The following LRBA variants were observed in gnomAD, a reference collection of about 807,000 sequenced individuals.
The protein encoded by LRBA is lipopolysaccharide-responsive and beige-like anchor protein.
Under a neutral mutation model 330.0 loss-of-function variants are expected in LRBA, and 176 were observed. That is an observed-to-expected ratio of 0.53 (90% CI 0.47 to 0.60). The LOEUF is 0.60. Ranked by LOEUF, LRBA falls within the 20% of genes least tolerant of loss-of-function variation. LRBA has a pLI of 0.00. For missense variants in LRBA, 3,259 were observed against 3,444.8 expected, an observed-to-expected ratio of 0.95 and a Z score of 1.35; for synonymous variants, 1,230 against 1,193.0, an observed-to-expected ratio of 1.03 and a Z score of -0.64.
intron 17 of LRBA, among the ~76,000 whole-genome samples, chr4:150,874,563 C>T (rs1753792679): frequency 6.6e-6 from 1 of 152,172 alleles, no homozygotes; most frequent in Non-Finnish European, 1.5e-5. Context: ...TCCTGGACAA[C>T]AAGACTTGGC....
At chr4:150,901,525 T>A (rs574372556) in intron 13 of LRBA, among the ~76,000 whole-genome samples, 1 of 152,206 alleles carries the variant, frequency 6.6e-6, no homozygotes, top group South Asian at 2.1e-4. Context: ...TGAACCTTTA[T>A]GTTACCTTCC....
Position 150,668,916 on chromosome 4 carries a change from A to G in LRBA, c.5921+14635T>C, listed in dbSNP as rs117773583. 4.4e-4 allele frequency among the ~76,000 whole-genome samples: 67 copies of G among 152,250 alleles called. 1 individual carries two copies. In the East Asian group the frequency reaches 0.012, roughly 26 times the overall value. ...GCTGTGTATTAGAGGGGAAGTGTCA[A>G]AGGGAGGGATAAGGAGAGATAAGGC... On this transcript the variant is annotated intron_variant, in intron 37 of 56. Transcript: ENST00000651943.
chr4:150,654,484 C>T (rs1779988892), intron 37 of LRBA, among the ~76,000 whole-genome samples: 1 of 152,142 alleles, frequency 6.6e-6, no homozygotes, highest in Non-Finnish European at 1.5e-5. Context: ...GCACTGTGCC[C>T]AGTCAAGAAG....
At position 150,583,578 on chromosome 4, in the gene LRBA, C is replaced by G; in HGVS notation, c.6330+4470G>C. ...AGTGCACCGGGATCTGGCCTCGCAG[C>G]GCGGCACAGTGGCCTATGCCCCACA... is the stretch of plus-strand genomic sequence containing the variant. On this transcript the variant is annotated intron_variant, in intron 40 of 56. Coordinates refer to ENST00000651943, the MANE Select transcript of LRBA (RefSeq NM_001364905.1). The surrounding 1 kb of genome is among the most constrained non-coding windows in gnomAD (Gnocchi z 9.8). The G allele has an allele frequency of 1.2e-6, 2 of 1,613,812 alleles. No individual in the cohort carries two copies. Among genetic ancestry groups the G allele is most frequent in the Non-Finnish European group, 1.7e-6 (2 of 1,179,900 alleles).
At chr4:150,488,436 T>A (rs1758154051) in intron 41 of LRBA, among the ~76,000 whole-genome samples, 1 of 151,618 alleles carries the variant, frequency 6.6e-6, no homozygotes, top group African/African-American at 2.4e-5. Context: ...GAAGGAACAT[T>A]TTTCCTCTGC....
Position 150,831,950 on chromosome 4 carries a change from T to C in LRBA, c.4596A>G (p.Leu1532=). The C allele has an allele frequency of 1.3e-6, 2 of 1,535,016 alleles. No homozygotes were observed. The highest frequency in any genetic ancestry group is 1.9e-5 in the Admixed American group (1 of 51,712). ...AGATAAAGTATACTACTGCCAAGGC[T>C]AAAAATTGAGCTTGTTTGCTATCCT... ...DIEDSKQAQF[L]ALAVVYFISV... The change falls in exon 29 of 57, where the codon TTA becomes TTG. Residue 1532 remains leucine, a synonymous_variant. Coordinates refer to ENST00000651943, the MANE Select transcript of LRBA (RefSeq NM_001364905.1).
intron 5 of LRBA, among the ~76,000 whole-genome samples, chr4:150,917,635 A>T (rs1187037697): frequency 1.3e-5 from 2 of 152,194 alleles, no homozygotes; most frequent in Non-Finnish European, 2.9e-5. Context: ...ACAATCTTTT[A>T]AAAAGAACAG....
Position 150,490,929 on chromosome 4 carries a change from A to G in LRBA, c.6437T>C (p.Met2146Thr), listed in dbSNP as rs1298470647. Residue 2146 changes from methionine to threonine, a missense_variant, in exon 41 of 57, where the codon ATG (methionine) becomes ACG (threonine). By Grantham distance (81) the Met-to-Thr change is moderately conservative. Transcript: ENST00000651943. ...CTGTAACACATTACCTCTGTTTGCCATAAAGATCTCCAGGGCTGTATTTTG... is the reference window on the plus strand; with the variant it reads ...CTGTAACACATTACCTCTGTTTGCCGTAAAGATCTCCAGGGCTGTATTTTG... The part of the protein sequence containing the change: ...LLQNTALEIF[M>T]ANRVAVMFNF... 8 of 1,599,122 alleles carry G rather than the reference A, an allele frequency of 5.0e-6. No homozygotes were observed. In the South Asian group the frequency reaches 8.9e-5, roughly 18 times the overall value.
chr4:150,804,537 T>C (rs1447176348), intron 33 of LRBA, among the ~76,000 whole-genome samples: 1 of 152,142 alleles, frequency 6.6e-6, no homozygotes, highest in Non-Finnish European at 1.5e-5. Context: ...TTTTCACAGG[T>C]TTTTAAAAAA....
At chr4:150,593,956 T>C (rs1773191716) in intron 38 of LRBA, among the ~76,000 whole-genome samples, 1 of 152,184 alleles carries the variant, frequency 6.6e-6, no homozygotes, top group African/African-American at 2.4e-5. Context: ...AAAAAATTTT[T>C]AAATATGTTC....
rs759196666 is a variant in LRBA at position 150,867,725 on chromosome 4, A to G, written c.2712T>C (p.Tyr904=). ...CCCATACACGCCAGCCACCCCACTC[A>G]TATTTGACTGCATGGTAAAGCAGGA... ...FRILLYHAVK[Y]EWGGWRVWVD... is the part of the protein sequence containing the mutation. Residue 904 remains tyrosine (Y), a synonymous_variant, in exon 22 of 57, where the codon TAT becomes TAC. Transcript: ENST00000651943. 2.5e-5 allele frequency: 40 copies of G among 1,613,768 alleles called. 2 individuals are homozygous for G. The South Asian group carries it at 4.4e-4, about 18-fold the overall frequency.
chr4:150,972,062 A>G (rs954938882), intron 2 of LRBA, among the ~76,000 whole-genome samples: 22 of 152,174 alleles, frequency 1.4e-4, no homozygotes, highest in Admixed American at 4.6e-4. Flanking sequence ...TACCAAAAAA[A>G]TCAATGCTAC....
At chr4:150,373,152 TGTGTGTGTGTGTGTGTGTGTGA>T (rs1013403776) in intron 47 of LRBA, among the ~76,000 whole-genome samples, 5 of 148,234 alleles carry the variant, frequency 3.4e-5, no homozygotes, top group South Asian at 2.2e-4. Context: ...TGTGTGTGTG[TGTGTGTGTGTGTGTGTGTGTGA>T]GAGAGAGAGA....
chr4:150,703,613 A>G (rs1445822397), intron 36 of LRBA, among the ~76,000 whole-genome samples: 8 of 152,206 alleles, frequency 5.3e-5, no homozygotes, highest in Non-Finnish European at 1.0e-4. Context: ...AAGTTGTCCA[A>G]GAAGAATATA....
chr4:150,641,734 G>T (rs954063941), intron 37 of LRBA, among the ~76,000 whole-genome samples: 1 of 151,992 alleles, frequency 6.6e-6, no homozygotes, highest in African/African-American at 2.4e-5. Flanking sequence ...AGGGGTATAG[G>T]AGTTGGTTAC....
chr4:150,623,054 C>T (rs1472101156), intron 37 of LRBA, among the ~76,000 whole-genome samples: 1 of 152,086 alleles, frequency 6.6e-6, no homozygotes, highest in East Asian at 1.9e-4. Flanking sequence ...GGGCTGCAAG[C>T]AAGATTGCCC....
At chr4:150,588,010 CCAT>C in intron 40 of LRBA, 35 bp downstream of exon 40, 1 of 1,596,538 alleles carries the variant, frequency 6.3e-7, no homozygotes, top group Non-Finnish European at 8.5e-7. Flanking sequence ...ACCCACCATC[CCAT>C]CATAAGAAAA....
chr4:150,468,318 T>C (rs576386405), intron 43 of LRBA, among the ~76,000 whole-genome samples: 1 of 152,156 alleles, frequency 6.6e-6, no homozygotes, highest in East Asian at 1.9e-4. Context: ...CTGAAATGTC[T>C]GTGGTAGTTT....
At chr4:150,709,029 AAC>A (rs1561538499) in intron 36 of LRBA, among the ~76,000 whole-genome samples, 1 of 151,842 alleles carries the variant, frequency 6.6e-6, no homozygotes, top group Admixed American at 6.6e-5. Context: ...GATAATCACT[AAC>A]ACACTTCATA....
Sources: gnomAD v4.1 joint callset for allele counts (sites outside exome capture counted in the v4.1 genomes callset) on GRCh38, gnomAD v4.1.1 for gene constraint, Gnocchi (gnomAD v3.1) non-coding constraint, MANE v1.5 for transcripts, NCBI Gene and HGNC (gene_info 2026-07-23, HGNC 2026-07-21) for gene names.